APOBEC1: variants seen among roughly 807,000 people sequenced by gnomAD.
APOBEC1 encodes C->U-editing enzyme APOBEC-1.
Under a neutral mutation model 26.3 loss-of-function variants are expected in APOBEC1, and 22 were observed. That is an observed-to-expected ratio of 0.84 (90% CI 0.60 to 1.19). APOBEC1 has a LOEUF of 1.19. APOBEC1 is among the 50% of genes most tolerant of loss of function. The pLI is 0.00. For synonymous variants in APOBEC1, 77 were observed against 95.3 expected (o/e 0.81, Z 1.12); for missense variants, 253 against 289.0 (o/e 0.88, Z 0.90).
At chr12:7,654,679 T>C (rs374976210) in intron 1 of APOBEC1, 47 bp from the exon 2 acceptor site, 170 of 1,596,448 alleles carry the variant, frequency 1.1e-4, no homozygotes, top group Middle Eastern at 5.0e-4. Flanking sequence ...AAATATCAAA[T>C]GAGTTGCTAA....
rs780305269 is a variant in APOBEC1 at position 7,652,454 on chromosome 12, C to G, written c.426G>C (p.Gln142His). The change falls in exon 3 of 5, where the codon CAG becomes CAC. Residue 142 changes from glutamine (Q) to histidine (H), a missense_variant. Coordinates refer to ENST00000229304, the MANE Select transcript of APOBEC1 (RefSeq NM_001644.5). ...RDLVNSGVTI[Q>H]IMRASEYYHC... ...TGTTTTTACCTGATGCTCTCATAAT[C>G]TGAATAGTTACTCCACTGTTAACAA... 1.2e-6 allele frequency: 2 copies of G among 1,612,590 alleles called. No individual in the cohort carries two copies. The highest frequency in any genetic ancestry group is 1.7e-6 in the Non-Finnish European group (2 of 1,179,498).
chr12:7,652,563 C>G lies in APOBEC1; in HGVS notation c.317G>C (p.Arg106Pro). 1 of 1,614,162 alleles carries G rather than the reference C, an allele frequency of 6.2e-7. No homozygotes were observed. The highest frequency in any genetic ancestry group is 8.5e-7 in the Non-Finnish European group (1 of 1,180,042). Residue 106 changes from arginine to proline, a missense_variant, in exon 3 of 5, where the codon CGG becomes CCG. Coordinates refer to ENST00000229304, the MANE Select transcript of APOBEC1 (RefSeq NM_001644.5). ...CSQAIREFLS[R>P]HPGVTLVIYV... Reference sequence around the variant, plus strand: ...GATCACTAGAGTCACACCAGGGTGCCGACTCAGAAACTCTCTAATAGCCTG... The same window carrying G: ...GATCACTAGAGTCACACCAGGGTGCGGACTCAGAAACTCTCTAATAGCCTG...
upstream of APOBEC1, among the ~76,000 whole-genome samples, chr12:7,667,922 G>A (rs12231127): frequency 8.9e-3 from 1,217 of 137,278 alleles, no homozygotes; most frequent in Middle Eastern, 0.03. Context: ...AAAAAAAAAA[G>A]AAAAAAAAAA....
intron 1 of APOBEC1, among the ~76,000 whole-genome samples, chr12:7,664,539 CAA>C (rs764483765): frequency 2.0e-4 from 30 of 152,202 alleles, no homozygotes; most frequent in Non-Finnish European, 3.7e-4. Context: ...ATTCCAGACA[CAA>C]GTCTCTATAA....
chr12:7,652,443 G>A lies in APOBEC1; in HGVS notation c.437C>T (p.Ala146Val), dbSNP rs141238129. The part of the protein sequence containing the change: ...NSGVTIQIMR[A>V]SEYYHCWRNF... ...TCTTTGTTTACTGTTTTTACCTGAT[G>A]CTCTCATAATCTGAATAGTTACTCC... Residue 146 changes from alanine to valine, a missense_variant, in exon 3 of 5, where the codon GCA (alanine) becomes GTA (valine). Ala to Val is a moderately conservative substitution (Grantham distance 64, BLOSUM62 0). Transcript: ENST00000229304. The A allele has an allele frequency of 6.2e-7, 1 of 1,606,494 alleles. No homozygotes were observed. Among genetic ancestry groups the A allele is most frequent in the African/African-American group, 1.3e-5 (1 of 74,560 alleles).
At chr12:7,661,437 A>G (rs1275240443) in intron 1 of APOBEC1, among the ~76,000 whole-genome samples, 1 of 152,124 alleles carries the variant, frequency 6.6e-6, no homozygotes, top group Non-Finnish European at 1.5e-5. Context: ...AAAAAATAAG[A>G]AAGAGTATTT....
intron 3 of APOBEC1, among the ~76,000 whole-genome samples, chr12:7,651,880 G>A (rs1363699958): frequency 4.0e-5 from 6 of 150,918 alleles, no homozygotes; most frequent in African/African-American, 9.7e-5. Flanking sequence ...GAGTGCAGTG[G>A]CGCGATCTCG....
chr12:7,669,604 C>G (rs967606181), upstream of APOBEC1, among the ~76,000 whole-genome samples: 4 of 152,074 alleles, frequency 2.6e-5, no homozygotes, highest in African/African-American at 9.7e-5. Context: ...CAGGGTCTCA[C>G]TATATTGCCC....
chr12:7,659,322 A>AAAATATATATAT (rs1555094633), intron 1 of APOBEC1, among the ~76,000 whole-genome samples: 2 of 46,288 alleles, frequency 4.3e-5, no homozygotes, highest in African/African-American at 2.5e-4. Context: ...AAAAAAAAAA[A>AAAATATATATAT]ATATATATAT....
At chr12:7,660,384 G>GAA (rs762035447) in intron 1 of APOBEC1, among the ~76,000 whole-genome samples, 1,537 of 81,158 alleles carry the variant, frequency 0.019, 156 homozygotes, top group Middle Eastern at 0.036. Context: ...AGGAAAGAAA[G>GAA]AAAGAAAGAA....
At chr12:7,651,176 CACAATGGT>C in intron 3 of APOBEC1, 35 bp from the exon 4 acceptor site, 1 of 1,443,386 alleles carries the variant, frequency 6.9e-7, no homozygotes, top group Non-Finnish European at 9.8e-7. Flanking sequence ...ATTCAACAAG[CACAATGGT>C]AAATTACTTA....
At chr12:7,661,019 C>T (rs1863810955) in intron 1 of APOBEC1, among the ~76,000 whole-genome samples, 1 of 144,306 alleles carries the variant, frequency 6.9e-6, no homozygotes. Flanking sequence ...TGGTGAAATC[C>T]CGTCTGTACT....
At chr12:7,656,657 T>A (rs1016385095) in intron 1 of APOBEC1, among the ~76,000 whole-genome samples, 3 of 152,234 alleles carry the variant, frequency 2.0e-5, no homozygotes, top group African/African-American at 7.2e-5. Context: ...GCAAGTTTCC[T>A]AACCTCTCTA....
At chr12:7,665,801 ACACAC>A in intron 1 of APOBEC1, 51 bp downstream of exon 1, 3 of 1,378,416 alleles carry the variant, frequency 2.2e-6, no homozygotes, top group Non-Finnish European at 3.1e-6. Flanking sequence ...ACACACACAC[ACACAC>A]CATTCTTGCA....
intron 1 of APOBEC1, among the ~76,000 whole-genome samples, chr12:7,656,054 CT>C (rs1245267710): frequency 6.6e-6 from 1 of 151,892 alleles, no homozygotes; most frequent in African/African-American, 2.4e-5. Context: ...CCAGGTTGGT[CT>C]CAAACTCCTG....
At position 7,651,159 on chromosome 12, in the gene APOBEC1, T is replaced by G; in HGVS notation, c.443-18A>C. Reference sequence around the variant, plus strand: ...ATAATACTCTAAGGAAACACAAATCTTGGCTCATTCAACAAGCACAATGGT... The same window carrying G: ...ATAATACTCTAAGGAAACACAAATCGTGGCTCATTCAACAAGCACAATGGT... On this transcript the variant is annotated intron_variant, in intron 3 of 4. Coordinates refer to ENST00000229304, the MANE Select transcript of APOBEC1 (RefSeq NM_001644.5). 1 of 1,560,812 alleles carries G rather than the reference T, an allele frequency of 6.4e-7. No homozygotes were observed. Among genetic ancestry groups the G allele is most frequent in the Non-Finnish European group, 8.8e-7 (1 of 1,131,764 alleles).
At chr12:7,656,197 T>G (rs1036641008) in intron 1 of APOBEC1, among the ~76,000 whole-genome samples, 4 of 152,062 alleles carry the variant, frequency 2.6e-5, no homozygotes, top group East Asian at 1.9e-4. Flanking sequence ...TATTTGAGAA[T>G]TTATATACCG....
intron 1 of APOBEC1, among the ~76,000 whole-genome samples, chr12:7,660,388 G>GAA (rs1193906181): frequency 1.6e-3 from 151 of 92,508 alleles, no homozygotes; most frequent in Middle Eastern, 7.2e-3. Flanking sequence ...AAGAAAGAAA[G>GAA]AAAGAAAGAA....
chr12:7,666,372 C>A (rs1863892329), upstream of APOBEC1, among the ~76,000 whole-genome samples: 1 of 151,830 alleles, frequency 6.6e-6, no homozygotes, highest in Non-Finnish European at 1.5e-5. Context: ...TGGCTCACTG[C>A]AACCTCTGCC....
Sources: gnomAD v4.1 joint callset for allele counts (sites outside exome capture counted in the v4.1 genomes callset) on GRCh38, gnomAD v4.1.1 for gene constraint, MANE v1.5 for transcripts, NCBI Gene and HGNC (gene_info 2026-07-23, HGNC 2026-07-21) for gene names.